Variants in NTM observed in about 807,000 individuals in gnomAD.
The protein encoded by NTM is neurotrimin, also known as IgLON family member 2.
In NTM, 13 loss-of-function variants were observed where a neutral mutation model predicts 42.1. That is an observed-to-expected ratio of 0.31 (90% confidence interval 0.20 to 0.49). The LOEUF is 0.49. NTM is among the 20% of genes least tolerant of loss of function. The probability of loss-of-function intolerance (pLI) is 0.99; values close to 1 mark genes in which losing one functional copy is unlikely to be tolerated. For missense variants in NTM, 373 were observed against 452.8 expected, an observed-to-expected ratio of 0.82 and a Z score of 1.60; for synonymous variants, 187 against 179.2, an observed-to-expected ratio of 1.04 and a Z score of -0.35.
chr11:132,136,786 G>T (rs1319206621), intron 2 of NTM, among the ~76,000 whole-genome samples: 2 of 152,160 alleles, frequency 1.3e-5, no homozygotes, highest in Non-Finnish European at 2.9e-5. Flanking sequence ...GGTGATAGGA[G>T]TGTGCTAGAG....
At chr11:131,926,827 G>A (rs945661975) in intron 2 of NTM, among the ~76,000 whole-genome samples, 7 of 152,144 alleles carry the variant, frequency 4.6e-5, no homozygotes, top group Non-Finnish European at 1.0e-4. Context: ...GCGAGGATCC[G>A]GGGTTTTCTA....
chr11:131,619,467 G>A (rs1289499927), intron 1 of NTM, among the ~76,000 whole-genome samples: 1 of 152,204 alleles, frequency 6.6e-6, no homozygotes, highest in Non-Finnish European at 1.5e-5. Context: ...TTTTGCAGTA[G>A]CTGAAGGTCA....
intron 2 of NTM, among the ~76,000 whole-genome samples, chr11:132,142,405 G>T (rs1250354052): frequency 6.6e-6 from 1 of 152,180 alleles, no homozygotes; most frequent in Non-Finnish European, 1.5e-5. Context: ...GTCAAGGGCT[G>T]TCTCTGCAAA....
chr11:131,862,735 T>A (rs1311003159), intron 1 of NTM, among the ~76,000 whole-genome samples: 3 of 152,220 alleles, frequency 2.0e-5, no homozygotes, highest in East Asian at 3.8e-4. Flanking sequence ...TGGTATTTAT[T>A]TTAGGACAAG....
chr11:132,147,204 TGTGTGTGTGTGAGAGAGAGAGA>T (rs1271576532), intron 3 of NTM, among the ~76,000 whole-genome samples: 2 of 143,256 alleles, frequency 1.4e-5, no homozygotes, highest in Non-Finnish European at 3.0e-5. Context: ...TGTGTGTGTG[TGTGTGTGTGTGAGAGAGAGAGA>T]GAGAGAGAGA....
In NTM at chr11:131,370,852, A is replaced by G. The variant is rs1453966136; in HGVS notation, c.46A>G (p.Ile16Val). 3 of 1,614,082 alleles carry G rather than the reference A, an allele frequency of 1.9e-6. No individual in the cohort carries two copies. The highest frequency in any genetic ancestry group is 1.7e-6 in the Non-Finnish European group (2 of 1,180,042). The change falls in exon 1 of 9, where the codon ATC becomes GTC. Residue 16 changes from isoleucine (I) to valine (V), a missense_variant. Coordinates refer to ENST00000683400, the MANE Select transcript of NTM (RefSeq NM_001352005.2). The stretch of plus-strand genomic sequence containing the variant: ...AATGCACAATTCTATCTCTTGGGCA[A>G]TCTTCACGGGGCTGGCTGCTCTGTG... Reference protein sequence around the residue: ...PKMHNSISWAIFTGLAALCLF... With the variant: ...PKMHNSISWAVFTGLAALCLF...
At position 131,747,400 on chromosome 11, in the gene NTM, G is replaced by C. The variant is rs371576476; in HGVS notation, c.83-164164G>C. Among the ~76,000 whole-genome samples the C allele has an allele frequency of 5.9e-5, 9 of 152,230 alleles. No homozygotes were observed. The East Asian group carries it at 1.2e-3, about 20-fold the overall frequency. On this transcript the variant is annotated intron_variant, in intron 1 of 8. Transcript: ENST00000683400. ...ACACATATCTGTGCCTTTGGGTTGT[G>C]TCTCCTAAATCTTTCTCCCATCAGC...
chr11:131,444,203 C>CAAAA (rs71475757), intron 1 of NTM, among the ~76,000 whole-genome samples: 2,069 of 49,486 alleles, frequency 0.042, 88 homozygotes, highest in Non-Finnish European at 0.05. Flanking sequence ...AGGTTAGAAC[C>CAAAA]AAAAAAAAAA....
rs780317098 is a variant in NTM, at chr11:132,003,483, C to T, written c.167+91835C>T. Among the ~76,000 whole-genome samples, 5 of 152,188 alleles carry T rather than the reference C, an allele frequency of 3.3e-5. No homozygotes were observed. Among genetic ancestry groups the T allele is most frequent in the South Asian group, 2.1e-4 (1 of 4,814 alleles). On this transcript the variant is annotated intron_variant, in intron 2 of 8. Coordinates refer to ENST00000683400, the MANE Select transcript of NTM (RefSeq NM_001352005.2). This position sits in a 1 kb window ranked among gnomAD's most constrained non-coding sequence, Gnocchi z 6.0. ...CTGCTCTTGAGTTCCTGGGCTCAAG[C>T]GATCCTTCTGGCTCAGACCTCCAAT...
intron 1 of NTM, among the ~76,000 whole-genome samples, chr11:131,473,183 C>T (rs1244858409): frequency 1.3e-5 from 2 of 152,100 alleles, no homozygotes; most frequent in East Asian, 3.9e-4. Flanking sequence ...AGCCTCTCAC[C>T]CCTCATTATT....
At chr11:132,169,922 A>G (rs775407099) in intron 3 of NTM, among the ~76,000 whole-genome samples, 12 of 152,130 alleles carry the variant, frequency 7.9e-5, no homozygotes, top group African/African-American at 2.9e-4. Context: ...TAGGTCCTGC[A>G]TCTCCAGAAA....
rs1565552158 is a variant in NTM at position 131,789,556 on chromosome 11, G to GA, written c.83-122006dup. ...AAGAAGAAGAAGAAGAAAAGAAGAA[G>GA]AAGAAGAAGAAGAAGAAGAAGAAGA... is the stretch of plus-strand genomic sequence containing the variant. On this transcript the variant is annotated intron_variant, in intron 1 of 8. Transcript: ENST00000683400. Among the ~76,000 whole-genome samples the GA allele has an allele frequency of 3.3e-4, 5 of 15,266 alleles. 1 individual carries two copies. The highest frequency in any genetic ancestry group is 2.3e-4 in the Non-Finnish European group (2 of 8,616). 10.0% of individuals were successfully genotyped at this position (15,266 alleles called of 152,430 possible). A position where few individuals can be genotyped will look rare whatever the true frequency, so the allele number is the denominator to read the frequency against.
At chr11:131,576,477 C>G (rs891960732) in intron 1 of NTM, among the ~76,000 whole-genome samples, 2 of 152,198 alleles carry the variant, frequency 1.3e-5, no homozygotes, top group Admixed American at 1.3e-4. Flanking sequence ...TTCTCCACCC[C>G]CAAGATTATC....
At chr11:132,242,847 A>T (rs1237076496) in intron 4 of NTM, among the ~76,000 whole-genome samples, 1 of 152,230 alleles carries the variant, frequency 6.6e-6, no homozygotes, top group Non-Finnish European at 1.5e-5. Context: ...TCAGCTACAG[A>T]AATCGAGCTC....
chr11:132,219,158 T>G (rs1437543566), intron 4 of NTM, among the ~76,000 whole-genome samples: 1 of 152,138 alleles, frequency 6.6e-6, no homozygotes, highest in Admixed American at 6.6e-5. Flanking sequence ...CTACTTCTTT[T>G]GGTTTGAGTT....
intron 4 of NTM, among the ~76,000 whole-genome samples, chr11:132,292,787 T>TAAA (rs61603794): frequency 0.021 from 1,183 of 56,518 alleles, 59 homozygotes; most frequent in African/African-American, 0.031. Context: ...GATGTAAAAG[T>TAAA]AAAAAAAAAA....
At chr11:132,046,633 C>T (rs564389552) in intron 2 of NTM, among the ~76,000 whole-genome samples, 8 of 152,226 alleles carry the variant, frequency 5.3e-5, no homozygotes, top group African/African-American at 1.2e-4. Flanking sequence ...AACAGGTTTC[C>T]GGGAACATGC....
At chr11:132,206,222 A>G (rs934546323) in intron 3 of NTM, among the ~76,000 whole-genome samples, 2 of 152,244 alleles carry the variant, frequency 1.3e-5, no homozygotes, top group East Asian at 1.9e-4. Flanking sequence ...TTAAAAAATT[A>G]CGACATTTCT....
Position 131,542,229 on chromosome 11 carries a change from G to A in NTM, c.82+171341G>A, listed in dbSNP as rs186586411. Reference sequence around the variant, plus strand: ...CGGCACAGCTCGGAAGGTCAAGAAGGCCTCAGAGTTAGCTTTTGAGATGAG... The same window carrying A: ...CGGCACAGCTCGGAAGGTCAAGAAGACCTCAGAGTTAGCTTTTGAGATGAG... On this transcript the variant is annotated intron_variant, in intron 1 of 8. Coordinates refer to ENST00000683400, the MANE Select transcript of NTM (RefSeq NM_001352005.2). Among the ~76,000 whole-genome samples, 13 of 152,300 alleles carry A rather than the reference G, an allele frequency of 8.5e-5. No individual in the cohort carries two copies. In the South Asian group the frequency reaches 2.7e-3, roughly 32 times the overall value.
Sources: allele counts gnomAD v4.1 joint callset (sites outside exome capture counted in the v4.1 genomes callset), GRCh38; gene constraint gnomAD v4.1.1; non-coding constraint Gnocchi (gnomAD v3.1); transcripts MANE v1.5; gene names NCBI Gene and HGNC (gene_info 2026-07-23, HGNC 2026-07-21).